The following FLI1 variants were observed in gnomAD, a reference collection of about 807,000 sequenced individuals.
The protein encoded by FLI1 is Friend leukemia integration 1 transcription factor.
Under a neutral mutation model 53.1 loss-of-function variants are expected in FLI1, and 13 were observed. That is an observed-to-expected ratio of 0.24 (90% CI 0.16 to 0.39). The LOEUF is 0.39. Ranked by LOEUF, FLI1 falls within the 10% of genes least tolerant of loss-of-function variation. FLI1 has a pLI of 1.00. For missense variants in FLI1, 424 were observed against 600.5 expected (o/e 0.71, Z 3.07); for synonymous variants, 244 against 236.7 (o/e 1.03, Z -0.28).
intron 4 of FLI1, among the ~76,000 whole-genome samples, chr11:128,778,868 A>C (rs1941825296): frequency 6.6e-6 from 1 of 152,236 alleles, no homozygotes; most frequent in South Asian, 2.1e-4. Context: ...CTGCATCAGA[A>C]CAAGTTCCTT....
At chr11:128,788,337 C>T (rs1195273432) in intron 5 of FLI1, among the ~76,000 whole-genome samples, 2 of 151,992 alleles carry the variant, frequency 1.3e-5, no homozygotes, top group Non-Finnish European at 2.9e-5. Context: ...GGTGTGGTGG[C>T]ATGTGCCTGT....
intron 5 of FLI1, among the ~76,000 whole-genome samples, chr11:128,796,399 A>G (rs1258213259): frequency 6.6e-6 from 1 of 152,232 alleles, no homozygotes; most frequent in Non-Finnish European, 1.5e-5. Flanking sequence ...GCTATGAGTC[A>G]TAATTTCAAT....
intron 5 of FLI1, among the ~76,000 whole-genome samples, chr11:128,789,813 C>A (rs975722544): frequency 2.6e-5 from 4 of 152,046 alleles, no homozygotes; most frequent in African/African-American, 9.7e-5. Context: ...AAGGAAAAGG[C>A]CTGTAATACT....
intron 5 of FLI1, among the ~76,000 whole-genome samples, chr11:128,788,400 C>T (rs571059750): frequency 6.6e-5 from 10 of 152,118 alleles, no homozygotes; most frequent in South Asian, 4.2e-4. Context: ...ACCCGGGAGG[C>T]GGAGGTTGCA....
At position 128,737,716 on chromosome 11, in the gene FLI1, T is replaced by C. The variant is rs575679247; in HGVS notation, c.19-20399T>C. On this transcript the variant is annotated intron_variant, in intron 1 of 8. Coordinates refer to ENST00000527786, the MANE Select transcript of FLI1 (RefSeq NM_002017.5). Reference sequence around the variant, plus strand: ...TTATTGAGGTACCTAAGATAGCTTATGTGAATGATGTCACTTTTAGCCTTA... The same window carrying C: ...TTATTGAGGTACCTAAGATAGCTTACGTGAATGATGTCACTTTTAGCCTTA... 1.9e-3 allele frequency among the ~76,000 whole-genome samples: 296 copies of C among 152,348 alleles called. 1 individual carries two copies. The highest frequency in any genetic ancestry group is 6.9e-3 in the African/African-American group (285 of 41,582).
chr11:128,713,706 G>A (rs535527487), intron 1 of FLI1, among the ~76,000 whole-genome samples: 1 of 152,106 alleles, frequency 6.6e-6, no homozygotes, highest in Non-Finnish European at 1.5e-5. Flanking sequence ...AGGGCACAAC[G>A]TGGGGACCTA....
Position 128,811,024 on chromosome 11 carries a change from A to T in FLI1, c.*36A>T, listed in dbSNP as rs369195794. 8.2e-4 allele frequency: 1,318 copies of T among 1,602,778 alleles called. 1 individual carries two copies. Among genetic ancestry groups the T allele is most frequent in the South Asian group, 1.1e-3 (100 of 90,854 alleles). Reference sequence around the variant, plus strand: ...ATCAGTGGCCTTCTAGCTGAAGCCCATCCTGCACACTTACTGGATGCTTTG... The same window carrying T: ...ATCAGTGGCCTTCTAGCTGAAGCCCTTCCTGCACACTTACTGGATGCTTTG... On this transcript the variant is annotated 3_prime_UTR_variant, in exon 9 of 9. Coordinates refer to ENST00000527786, the MANE Select transcript of FLI1 (RefSeq NM_002017.5).
chr11:128,723,132 C>G (rs868117467), intron 1 of FLI1, among the ~76,000 whole-genome samples: 10 of 152,126 alleles, frequency 6.6e-5, no homozygotes, highest in Admixed American at 2.6e-4. Context: ...CAAATCACCC[C>G]CTGAAGATCC....
At chr11:128,717,333 C>T (rs187623294) in intron 1 of FLI1, among the ~76,000 whole-genome samples, 283 of 152,288 alleles carry the variant, frequency 1.9e-3, no homozygotes, top group African/African-American at 6.5e-3. Context: ...GAAAAGCACA[C>T]GCATGATGGT....
intron 3 of FLI1, among the ~76,000 whole-genome samples, chr11:128,771,229 G>T (rs750929705): frequency 1.1e-4 from 17 of 152,250 alleles, no homozygotes; most frequent in Non-Finnish European, 2.1e-4. Context: ...GCATTAGGTT[G>T]TTGGAATGAC....
intron 1 of FLI1, among the ~76,000 whole-genome samples, chr11:128,737,619 TC>T (rs1323869072): frequency 5.9e-5 from 9 of 152,192 alleles, no homozygotes; most frequent in African/African-American, 1.7e-4. Flanking sequence ...TAAATAGAGA[TC>T]GAGGAAAAGC....
At chr11:128,706,352 C>T (rs1938546217) in intron 1 of FLI1, among the ~76,000 whole-genome samples, 1 of 152,192 alleles carries the variant, frequency 6.6e-6, no homozygotes, top group East Asian at 1.9e-4. Context: ...ACAACGTGGC[C>T]TCACTATTCA....
At chr11:128,749,472 A>G (rs1217694343) in intron 1 of FLI1, among the ~76,000 whole-genome samples, 6 of 152,192 alleles carry the variant, frequency 3.9e-5, no homozygotes, top group Non-Finnish European at 8.8e-5. Flanking sequence ...TCCTCACAGC[A>G]TGGTGGCGAT....
intron 2 of FLI1, among the ~76,000 whole-genome samples, chr11:128,762,249 T>C (rs188773535): frequency 6.6e-6 from 1 of 152,346 alleles, no homozygotes; most frequent in East Asian, 1.9e-4. Context: ...TACTTGCACA[T>C]GATTTGATTG....
intron 2 of FLI1, chr11:128,764,531 C>T (rs1941254405): frequency 1.1e-6 from 1 of 930,806 alleles, no homozygotes; most frequent in Non-Finnish European, 1.6e-6. Context: ...TGGGCCCCAG[C>T]CCCATGCTAG....
At chr11:128,756,850 T>G (rs1190371332) in intron 1 of FLI1, among the ~76,000 whole-genome samples, 1 of 152,114 alleles carries the variant, frequency 6.6e-6, no homozygotes, top group African/African-American at 2.4e-5. Flanking sequence ...ACCCTCATGT[T>G]TTGATTGGTA....
chr11:128,765,495 C>G (rs1021045358), intron 2 of FLI1, among the ~76,000 whole-genome samples: 1 of 152,214 alleles, frequency 6.6e-6, no homozygotes, highest in Non-Finnish European at 1.5e-5. Flanking sequence ...ACGGGAGGAG[C>G]CCGGGGAGTG....
At chr11:128,748,354 C>A in intron 1 of FLI1, 2 of 721,588 alleles carry the variant, frequency 2.8e-6, no homozygotes, top group Non-Finnish European at 3.4e-6. Flanking sequence ...CTTGAAAAGT[C>A]AGCCGGGGTC....
intron 1 of FLI1, among the ~76,000 whole-genome samples, chr11:128,710,646 A>C (rs1938750401): frequency 6.6e-6 from 1 of 152,252 alleles, no homozygotes; most frequent in Non-Finnish European, 1.5e-5. Flanking sequence ...TGACACAATG[A>C]AAGCAAATGC....
Sources: gnomAD v4.1 joint callset for allele counts (sites outside exome capture counted in the v4.1 genomes callset) on GRCh38, gnomAD v4.1.1 for gene constraint, MANE v1.5 for transcripts, NCBI Gene and HGNC (gene_info 2026-07-23, HGNC 2026-07-21) for gene names.